MACROD2: variants seen among roughly 807,000 people sequenced by gnomAD.
MACROD2 encodes mono-ADP ribosylhydrolase 2.
A neutral mutation model predicts 70.4 loss-of-function variants in MACROD2; 36 were observed. That is an observed-to-expected ratio of 0.51 (90% CI 0.39 to 0.68). The LOEUF is 0.68. Among genes scored for constraint, MACROD2 ranks in the 30% least tolerant of loss-of-function variants. The pLI, the probability that MACROD2 is intolerant of heterozygous loss-of-function variation, is 0.00. For synonymous variants in MACROD2, 172 were observed against 178.8 expected (o/e 0.96, Z 0.30); for missense variants, 496 against 538.4 (o/e 0.92, Z 0.78).
chr20:15,435,881 G>T (rs757679585), intron 7 of MACROD2, among the ~76,000 whole-genome samples: 2 of 152,092 alleles, frequency 1.3e-5, no homozygotes, highest in Non-Finnish European at 2.9e-5. Flanking sequence ...ACATTAGCTG[G>T]CTTGGAGGGC....
intron 5 of MACROD2, among the ~76,000 whole-genome samples, chr20:14,873,573 T>G (rs143644616): frequency 3.3e-5 from 5 of 152,166 alleles, no homozygotes; most frequent in Non-Finnish European, 5.9e-5. Context: ...TTCTAAAAAT[T>G]TATTCAGGGC....
At chr20:15,606,872 C>T (rs1329030297) in intron 8 of MACROD2, among the ~76,000 whole-genome samples, 1 of 151,988 alleles carries the variant, frequency 6.6e-6, no homozygotes, top group Non-Finnish European at 1.5e-5. Context: ...TGTGGTGGCG[C>T]ATGCCTTTAA....
Position 14,326,477 on chromosome 20 carries a change from C to T in MACROD2, c.272-167002C>T, listed in dbSNP as rs911759953. On this transcript the variant is annotated intron_variant, in intron 3 of 17. Transcript: ENST00000684519. This position sits in a 1 kb window ranked among gnomAD's most constrained non-coding sequence, Gnocchi z 5.5. ...AGTTCTGCATTGAGATCCTTAATAG[C>T]CATCCCACGAACCTTTTCTGGGGCT... 5.6e-6 allele frequency: 9 copies of T among 1,613,758 alleles called. No individual in the cohort carries two copies. The highest frequency in any genetic ancestry group is 6.8e-6 in the Non-Finnish European group (8 of 1,179,864).
chr20:15,118,488 G>A (rs767662219), intron 5 of MACROD2, among the ~76,000 whole-genome samples: 3 of 152,136 alleles, frequency 2.0e-5, no homozygotes, highest in Non-Finnish European at 4.4e-5. Context: ...ACCATGCCCA[G>A]CCTAAAGTGA....
At chr20:15,189,470 G>A (rs2076555948) in intron 5 of MACROD2, among the ~76,000 whole-genome samples, 1 of 152,058 alleles carries the variant, frequency 6.6e-6, no homozygotes, top group South Asian at 2.1e-4. Context: ...ACTTGTAGCT[G>A]TGTTTGTTTC....
At chr20:15,171,608 C>T (rs1486274981) in intron 5 of MACROD2, among the ~76,000 whole-genome samples, 2 of 152,152 alleles carry the variant, frequency 1.3e-5, no homozygotes, top group Non-Finnish European at 2.9e-5. Context: ...CACCATCCCA[C>T]TCAGTCTCTC....
intron 5 of MACROD2, among the ~76,000 whole-genome samples, chr20:15,013,077 C>A (rs1251546373): frequency 1.3e-5 from 2 of 152,130 alleles, no homozygotes; most frequent in African/African-American, 4.8e-5. Context: ...AGTTTTCTGG[C>A]TGTCCAGGGT....
intron 3 of MACROD2, among the ~76,000 whole-genome samples, chr20:14,489,702 C>T (rs1221632311): frequency 6.6e-6 from 1 of 152,020 alleles, no homozygotes; most frequent in East Asian, 1.9e-4. Flanking sequence ...AAACTCTGTA[C>T]GAATAGTTTT....
intron 3 of MACROD2, among the ~76,000 whole-genome samples, chr20:14,103,825 T>C (rs1390824023): frequency 6.6e-6 from 1 of 152,136 alleles, no homozygotes; most frequent in African/African-American, 2.4e-5. Context: ...AATCATCCCC[T>C]CATTGTTGGA....
intron 5 of MACROD2, among the ~76,000 whole-genome samples, chr20:15,129,580 G>T (rs1300615924): frequency 6.6e-6 from 1 of 152,006 alleles, no homozygotes; most frequent in Non-Finnish European, 1.5e-5. Context: ...TATAACTGTG[G>T]CTTGAAAACA....
intron 5 of MACROD2, among the ~76,000 whole-genome samples, chr20:14,947,113 C>G (rs949344607): frequency 1.3e-5 from 2 of 152,182 alleles, no homozygotes; most frequent in Non-Finnish European, 2.9e-5. Context: ...TCTGAGAATA[C>G]GGCATATCTT....
chr20:14,865,516 C>T (rs1431702754), intron 5 of MACROD2, among the ~76,000 whole-genome samples: 2 of 151,914 alleles, frequency 1.3e-5, no homozygotes, highest in Admixed American at 6.6e-5. Context: ...AAATACCAAA[C>T]GTTTCCTGGA....
rs188304471 is a variant in MACROD2, at chr20:15,426,505, C to T, written c.541-4900C>T. Among the ~76,000 whole-genome samples the T allele has an allele frequency of 3.7e-3, 569 of 152,048 alleles. 16 individuals carry two copies. Among genetic ancestry groups the T allele is most frequent in the Admixed American group, 0.032 (487 of 15,248 alleles). ...GACTACAGGCATGTGCCACCATGCCCGGCTAATTTTTTGTATTTTTAGTAG... is the reference window on the plus strand; with the variant it reads ...GACTACAGGCATGTGCCACCATGCCTGGCTAATTTTTTGTATTTTTAGTAG... On this transcript the variant is annotated intron_variant, in intron 6 of 17. Transcript: ENST00000684519.
intron 8 of MACROD2, among the ~76,000 whole-genome samples, chr20:15,845,274 A>T (rs1397964050): frequency 1.3e-5 from 2 of 152,176 alleles, no homozygotes; most frequent in African/African-American, 4.8e-5. Context: ...CCTCCATAAA[A>T]ATGTCCAGGA....
intron 5 of MACROD2, among the ~76,000 whole-genome samples, chr20:15,123,417 C>T (rs1167433672): frequency 1.3e-5 from 2 of 152,150 alleles, no homozygotes; most frequent in African/African-American, 4.8e-5. Flanking sequence ...CCTGTGGAAA[C>T]TGAGCAAGTA....
At chr20:14,874,671 GTATTTATTTATTTATTTATT>G (rs71190161) in intron 5 of MACROD2, among the ~76,000 whole-genome samples, 11 of 143,070 alleles carry the variant, frequency 7.7e-5, no homozygotes, top group South Asian at 2.3e-4. Flanking sequence ...AAAAAAGGTT[GTATTTATTTATTTATTTATT>G]TATTTATTTA....
intron 5 of MACROD2, among the ~76,000 whole-genome samples, chr20:14,847,366 T>C (rs763668691): frequency 2.6e-5 from 4 of 152,090 alleles, no homozygotes; most frequent in Admixed American, 2.6e-4. Flanking sequence ...GGAAAGAAAG[T>C]GTATGAAGAA....
At chr20:15,179,995 G>C (rs1432958007) in intron 5 of MACROD2, among the ~76,000 whole-genome samples, 1 of 152,140 alleles carries the variant, frequency 6.6e-6, no homozygotes, top group Non-Finnish European at 1.5e-5. Flanking sequence ...CTTGCCGATG[G>C]CCACCCTCTT....
At chr20:15,636,691 T>A (rs2049375541) in intron 8 of MACROD2, among the ~76,000 whole-genome samples, 1 of 152,094 alleles carries the variant, frequency 6.6e-6, no homozygotes, top group African/African-American at 2.4e-5. Flanking sequence ...AAGTGCTCTA[T>A]TATTTCTGTT....
Sources: gnomAD v4.1 joint callset for allele counts (sites outside exome capture counted in the v4.1 genomes callset) on GRCh38, gnomAD v4.1.1 for gene constraint, Gnocchi (gnomAD v3.1) non-coding constraint, MANE v1.5 for transcripts, NCBI Gene and HGNC (gene_info 2026-07-23, HGNC 2026-07-21) for gene names.